Variants in BMP8B observed in about 807,000 individuals in gnomAD.
The protein encoded by BMP8B is bone morphogenetic protein 8 (osteogenic protein 2).
In BMP8B, 17 loss-of-function variants were observed where a neutral mutation model predicts 30.3. The ratio of observed to expected loss-of-function variants is 0.56; its 90% CI spans 0.38 to 0.84. BMP8B has a LOEUF of 0.84. BMP8B is among the 40% of genes least tolerant of loss of function. BMP8B has a pLI of 0.00. For missense variants in BMP8B, 253 were observed against 494.6 expected (o/e 0.51, Z 4.63); for synonymous variants, 131 against 214.7 (o/e 0.61, Z 3.41).
chr1:39,777,153 C>G (rs1172992809), intron 1 of BMP8B, among the ~76,000 whole-genome samples: 2 of 152,124 alleles, frequency 1.3e-5, no homozygotes, highest in Non-Finnish European at 2.9e-5. Flanking sequence ...CACAAGAATT[C>G]CAAAGATGTA....
chr1:39,769,669 G>A (rs1329496126), intron 3 of BMP8B: 3 of 1,547,416 alleles, frequency 1.9e-6, no homozygotes, highest in Non-Finnish European at 2.6e-6. Flanking sequence ...CCCGCCCTGA[G>A]GAGCGCACCA....
At chr1:39,786,388 C>T (rs1650980882) in intron 1 of BMP8B, among the ~76,000 whole-genome samples, 1 of 152,222 alleles carries the variant, frequency 6.6e-6, no homozygotes, top group African/African-American at 2.4e-5. Flanking sequence ...ACTCCTGCCC[C>T]TCTACCAATC....
chr1:39,778,567 G>A (rs1382784581), intron 1 of BMP8B, among the ~76,000 whole-genome samples: 2 of 151,838 alleles, frequency 1.3e-5, no homozygotes, highest in African/African-American at 2.4e-5. Flanking sequence ...ATTTCCAGCC[G>A]GGTCTCATCA....
At chr1:39,769,211 G>A (rs1649780009) in intron 3 of BMP8B, among the ~76,000 whole-genome samples, 1 of 150,698 alleles carries the variant, frequency 6.6e-6, no homozygotes, top group Non-Finnish European at 1.5e-5. Context: ...AGAAAGAGAA[G>A]GAAAAAGAAA....
At chr1:39,785,898 AAAG>A (rs758825421) in intron 1 of BMP8B, among the ~76,000 whole-genome samples, 5 of 152,194 alleles carry the variant, frequency 3.3e-5, no homozygotes, top group Non-Finnish European at 5.9e-5. Flanking sequence ...ACAGCAGAAT[AAAG>A]AAGGCCTTTC....
Position 39,760,116 on chromosome 1 carries a change from C to T in BMP8B, c.*303G>A. 2.3e-6 allele frequency: 1 copy of T among 438,786 alleles called. No individual in the cohort carries two copies. The highest frequency in any genetic ancestry group is 2.5e-5 in the South Asian group (1 of 40,220). 27.2% of individuals were successfully genotyped at this position (438,786 alleles called of 1,614,324 possible). On this transcript the variant is annotated 3_prime_UTR_variant, in exon 7 of 7. Coordinates refer to ENST00000372827, the MANE Select transcript of BMP8B (RefSeq NM_001720.5). Reference sequence around the variant, plus strand: ...GGCATGGATAGGACCTCAGACAGGACTTCTGTGCCAACCCCAAAGAACCAG... The same window carrying T: ...GGCATGGATAGGACCTCAGACAGGATTTCTGTGCCAACCCCAAAGAACCAG...
chr1:39,788,387 C>T lies in BMP8B; in HGVS notation c.99G>A (p.Gln33=), dbSNP rs551083158. ...PGLRPPPGCP[Q]RRLGARERRD... is the part of the protein sequence containing the mutation. ...GGCGCTCGCGCGCGCCCAGACGTCGCTGGGGACAGCCGGGCGGGGGTCGCA... is the reference window on the plus strand; with the variant it reads ...GGCGCTCGCGCGCGCCCAGACGTCGTTGGGGACAGCCGGGCGGGGGTCGCA... Residue 33 remains glutamine (Q), a synonymous_variant, in exon 1 of 7, where the codon CAG becomes CAA. Coordinates refer to ENST00000372827, the MANE Select transcript of BMP8B (RefSeq NM_001720.5). This position sits in a 1 kb window ranked among gnomAD's most constrained non-coding sequence, Gnocchi z 5.8. The T allele has an allele frequency of 2.9e-5, 32 of 1,105,754 alleles. No homozygotes were observed. The East Asian group carries it at 1.3e-3, about 45-fold the overall frequency. 68.5% of individuals were successfully genotyped at this position (1,105,754 alleles called of 1,614,324 possible).
At chr1:39,779,830 G>A (rs1302676525) in intron 1 of BMP8B, among the ~76,000 whole-genome samples, 4 of 152,218 alleles carry the variant, frequency 2.6e-5, no homozygotes, top group Admixed American at 2.6e-4. Context: ...TTATGCAAAT[G>A]TAGCAGTTTA....
rs566395722 is a variant in BMP8B, at chr1:39,775,056, G to A, written c.335-18C>T. 4,782 of 1,146,560 alleles carry A rather than the reference G, an allele frequency of 4.2e-3. 16 individuals are homozygous for A. Among genetic ancestry groups the A allele is most frequent in the Non-Finnish European group, 5.2e-3 (4,267 of 819,492 alleles). The allele number at this position is 1,146,560 out of a possible 1,614,324, so 71.0% of individuals were successfully genotyped here. A position where few individuals can be genotyped will look rare whatever the true frequency, so the allele number is the denominator to read the frequency against. On this transcript the variant is annotated intron_variant, in intron 1 of 6. Transcript: ENST00000372827. ...TCGCTCCACTAGAAGACAAAGCAGC[G>A]CTGGGCTGGCACTCAGAATGGCTCG...
chr1:39,782,331 T>G (rs548548507), intron 1 of BMP8B, among the ~76,000 whole-genome samples: 3 of 152,234 alleles, frequency 2.0e-5, no homozygotes, highest in African/African-American at 7.2e-5. Flanking sequence ...GGCAGCCTGG[T>G]CAGATTCTGG....
intron 1 of BMP8B, among the ~76,000 whole-genome samples, chr1:39,779,345 C>T (rs1650457720): frequency 6.6e-6 from 1 of 152,084 alleles, no homozygotes. Flanking sequence ...TCGCTGCCTC[C>T]TGCTGGGTTC....
chr1:39,758,094 G>A lies in BMP8B; in HGVS notation c.*2325C>T, dbSNP rs1296385726. The A allele has an allele frequency of 1.3e-5, 2 of 152,134 alleles. No homozygotes were observed. Among genetic ancestry groups the A allele is most frequent in the East Asian group, 3.8e-4 (2 of 5,204 alleles). The allele number at this position is 152,134 out of a possible 1,614,324, so 9.4% of individuals were successfully genotyped here. A position where few individuals can be genotyped will look rare whatever the true frequency, so the allele number is the denominator to read the frequency against. On this transcript the variant is annotated 3_prime_UTR_variant, in exon 7 of 7. Coordinates refer to ENST00000372827, the MANE Select transcript of BMP8B (RefSeq NM_001720.5). ...CCCTAACTATGCCAGATCATTGGCT[G>A]GGCACTAAAGATACAGGTGGAGTAA... is the stretch of plus-strand genomic sequence containing the variant.
intron 6 of BMP8B, among the ~76,000 whole-genome samples, chr1:39,761,885 G>A (rs369287958): frequency 1.3e-5 from 2 of 152,238 alleles, no homozygotes; most frequent in African/African-American, 2.4e-5. Flanking sequence ...AGAGCGCAGC[G>A]CCTGTCTGTT....
intron 1 of BMP8B, among the ~76,000 whole-genome samples, chr1:39,780,976 C>T (rs1650599904): frequency 6.6e-6 from 1 of 152,214 alleles, no homozygotes; most frequent in Non-Finnish European, 1.5e-5. Flanking sequence ...GTCTTCTGAA[C>T]TGTTGAACCC....
intron 1 of BMP8B, among the ~76,000 whole-genome samples, chr1:39,784,014 A>G (rs1421399844): frequency 6.6e-6 from 1 of 152,234 alleles, no homozygotes; most frequent in Non-Finnish European, 1.5e-5. Flanking sequence ...ACGGTGGGCC[A>G]GGCCCTGGGC....
chr1:39,783,816 G>A (rs1267260924), intron 1 of BMP8B, among the ~76,000 whole-genome samples: 1 of 152,210 alleles, frequency 6.6e-6, no homozygotes, highest in Non-Finnish European at 1.5e-5. Flanking sequence ...AGGCTGAGGT[G>A]AGAACATTGC....
intron 3 of BMP8B, among the ~76,000 whole-genome samples, chr1:39,767,043 G>C (rs1649665587): frequency 6.6e-6 from 1 of 152,262 alleles, no homozygotes; most frequent in South Asian, 2.1e-4. Context: ...AGTCCTGCAG[G>C]CTTTCCTCAC....
chr1:39,785,644 C>G (rs368582040), intron 1 of BMP8B, among the ~76,000 whole-genome samples: 114 of 152,184 alleles, frequency 7.5e-4, no homozygotes, highest in Non-Finnish European at 1.5e-3. Flanking sequence ...TGGGAGCCTG[C>G]GTGTGGGCGG....
At position 39,770,201 on chromosome 1, in the gene BMP8B, G is replaced by A. The variant is rs199867641; in HGVS notation, c.673+4107C>T. The stretch of plus-strand genomic sequence containing the variant: ...GAGGTCGGCATCCACCTCATCTTCC[G>A]TGGGAAACGGGCCCAGGCCCAGGAT... On this transcript the variant is annotated intron_variant, in intron 3 of 6. Transcript: ENST00000372827. 819 of 1,408,464 alleles carry A rather than the reference G, an allele frequency of 5.8e-4. 30 individuals are homozygous for A. In the East Asian group the frequency reaches 0.017, roughly 30 times the overall value. The allele number at this position is 1,408,464 out of a possible 1,614,324, so 87.2% of individuals were successfully genotyped here.
Sources: allele counts gnomAD v4.1 joint callset (sites outside exome capture counted in the v4.1 genomes callset), GRCh38; gene constraint gnomAD v4.1.1; non-coding constraint Gnocchi (gnomAD v3.1); transcripts MANE v1.5; gene names NCBI Gene and HGNC (gene_info 2026-07-23, HGNC 2026-07-21).